PTPRK: variants seen among roughly 807,000 people sequenced by gnomAD.
PTPRK encodes receptor-type tyrosine-protein phosphatase kappa.
PTPRK carries 75 observed loss-of-function variants against 178.0 expected under a neutral mutation model. The ratio of observed to expected loss-of-function variants is 0.42; its 90% confidence interval spans 0.35 to 0.51. The LOEUF is 0.51. Ranked by LOEUF, PTPRK falls within the 20% of genes least tolerant of loss-of-function variation. PTPRK has a pLI of 0.02. For missense variants in PTPRK, 1,441 were observed against 1,797.8 expected, an observed-to-expected ratio of 0.80 and a Z score of 3.59; for synonymous variants, 637 against 620.6, an observed-to-expected ratio of 1.03 and a Z score of -0.39.
At chr6:128,041,542 G>T (rs1311333819) in intron 13 of PTPRK, among the ~76,000 whole-genome samples, 1 of 151,912 alleles carries the variant, frequency 6.6e-6, no homozygotes, top group African/African-American at 2.4e-5. Flanking sequence ...GAAAAAAGAG[G>T]CAGAAATCAT....
intron 1 of PTPRK, among the ~76,000 whole-genome samples, chr6:128,421,099 G>C (rs1409507882): frequency 1.3e-5 from 2 of 152,078 alleles, no homozygotes; most frequent in African/African-American, 4.8e-5. Context: ...AATCAACATT[G>C]ATCAAATCTG....
intron 13 of PTPRK, among the ~76,000 whole-genome samples, chr6:128,033,750 G>A (rs1775741243): frequency 6.6e-6 from 1 of 152,036 alleles, no homozygotes; most frequent in Admixed American, 6.6e-5. Context: ...GATGGCTTGT[G>A]TCTGTGGTTC....
At chr6:128,289,441 T>C (rs1823021430) in intron 3 of PTPRK, among the ~76,000 whole-genome samples, 2 of 152,168 alleles carry the variant, frequency 1.3e-5, no homozygotes, top group Non-Finnish European at 1.5e-5. Flanking sequence ...AGTATTGAAA[T>C]AGAATGTCTG....
At position 128,289,891 on chromosome 6, in the gene PTPRK, T is replaced by C. The variant is rs376833099; in HGVS notation, c.495+32148A>G. ...AACACTTTGTTTTTCATGCCTTATA[T>C]AATAATGAAGTATCTTTGCACTGCA... On this transcript the variant is annotated intron_variant, in intron 3 of 29. Transcript: ENST00000368226. Among the ~76,000 whole-genome samples the C allele has an allele frequency of 4.6e-4, 70 of 152,250 alleles. 2 individuals carry two copies. The South Asian group carries it at 0.013, about 29-fold the overall frequency.
chr6:128,287,831 C>G (rs1386058680), intron 3 of PTPRK, among the ~76,000 whole-genome samples: 2 of 152,112 alleles, frequency 1.3e-5, no homozygotes, highest in African/African-American at 4.8e-5. Context: ...TCTTTAACAT[C>G]CCCTTTCTAT....
intron 1 of PTPRK, among the ~76,000 whole-genome samples, chr6:128,437,932 C>T (rs1251407043): frequency 1.3e-5 from 2 of 152,234 alleles, no homozygotes; most frequent in African/African-American, 4.8e-5. Context: ...AGATCAGTTT[C>T]AAGATCCCAG....
chr6:127,998,876 G>T lies in PTPRK; in HGVS notation c.2523C>A (p.Ser841=). 6.3e-7 allele frequency: 1 copy of T among 1,580,054 alleles called. No individual in the cohort carries two copies. The highest frequency in any genetic ancestry group is 8.6e-7 in the Non-Finnish European group (1 of 1,160,392). ...AGCGAGGTACGTCTAGAAGGCGACT[G>T]GACTCTGCTGTAGCACTGTGGTTCT... is the stretch of plus-strand genomic sequence containing the variant. The part of the protein sequence containing the change: ...RYENHSATAE[S]SRLLDVPRYL... Residue 841 remains serine, a synonymous_variant, in exon 16 of 30, where the codon TCC becomes TCA. Coordinates refer to ENST00000368226, the MANE Select transcript of PTPRK (RefSeq NM_002844.4).
chr6:128,478,278 G>A (rs1279731201), intron 1 of PTPRK, among the ~76,000 whole-genome samples: 1 of 152,068 alleles, frequency 6.6e-6, no homozygotes, highest in Non-Finnish European at 1.5e-5. Flanking sequence ...GCAAATACAT[G>A]AGACCTTCCT....
chr6:128,047,071 A>C (rs1445728041), intron 13 of PTPRK, among the ~76,000 whole-genome samples: 3 of 152,216 alleles, frequency 2.0e-5, no homozygotes, highest in Non-Finnish European at 4.4e-5. Context: ...TCATCAAGTA[A>C]TTAGTGAATA....
At chr6:128,172,792 T>A (rs1360325341) in intron 7 of PTPRK, among the ~76,000 whole-genome samples, 1 of 151,870 alleles carries the variant, frequency 6.6e-6, no homozygotes, top group Non-Finnish European at 1.5e-5. Context: ...TACGTGTGTA[T>A]ATGACATATA....
intron 7 of PTPRK, among the ~76,000 whole-genome samples, chr6:128,128,277 G>T (rs1163160303): frequency 1.3e-5 from 2 of 152,268 alleles, no homozygotes; most frequent in East Asian, 3.9e-4. Context: ...AGTTTGCATA[G>T]CAAGTCAGAC....
At chr6:128,026,488 A>G (rs1774327710) in intron 13 of PTPRK, among the ~76,000 whole-genome samples, 1 of 152,068 alleles carries the variant, frequency 6.6e-6, no homozygotes, top group African/African-American at 2.4e-5. Context: ...TTTTTTTGAG[A>G]CCCACTTTTC....
At chr6:128,430,975 G>A (rs1024292988) in intron 1 of PTPRK, among the ~76,000 whole-genome samples, 4 of 145,966 alleles carry the variant, frequency 2.7e-5, no homozygotes, top group African/African-American at 7.6e-5. Flanking sequence ...GTCTTGCTGC[G>A]TCACCCAGGC....
chr6:128,212,572 C>T (rs1355450425), intron 6 of PTPRK, among the ~76,000 whole-genome samples: 1 of 151,938 alleles, frequency 6.6e-6, no homozygotes, highest in Non-Finnish European at 1.5e-5. Flanking sequence ...CGTGTACAGG[C>T]CTACTGTCAA....
intron 1 of PTPRK, among the ~76,000 whole-genome samples, chr6:128,406,760 A>G (rs927041832): frequency 2.0e-5 from 3 of 152,204 alleles, no homozygotes; most frequent in African/African-American, 2.4e-5. Context: ...AACCAAATCA[A>G]TGCTGAAACC....
At chr6:128,064,817 A>C (rs1168823621) in intron 12 of PTPRK, 23 bp from the exon 13 acceptor site, 7 of 1,574,780 alleles carry the variant, frequency 4.4e-6, no homozygotes, top group African/African-American at 2.8e-5. Context: ...AAATGAAAAA[A>C]AAAAGAGTCA....
At chr6:128,444,758 A>G (rs1846720168) in intron 1 of PTPRK, among the ~76,000 whole-genome samples, 1 of 152,204 alleles carries the variant, frequency 6.6e-6, no homozygotes, top group Admixed American at 6.5e-5. Flanking sequence ...AAAGGGAAGT[A>G]GCTTCCTAAG....
At chr6:128,054,786 A>G (rs1779622770) in intron 13 of PTPRK, among the ~76,000 whole-genome samples, 2 of 152,242 alleles carry the variant, frequency 1.3e-5, no homozygotes, top group South Asian at 4.1e-4. Context: ...CCCTACCCTC[A>G]GAGAGCCTTG....
At position 128,184,857 on chromosome 6, in the gene PTPRK, A is replaced by G. The variant is rs990034212; in HGVS notation, c.869-132T>C. 2.0e-5 allele frequency: 19 copies of G among 940,560 alleles called. 1 individual carries two copies. In the South Asian group the frequency reaches 3.6e-4, roughly 18 times the overall value. 58.3% of individuals were successfully genotyped at this position (940,560 alleles called of 1,614,324 possible). ...CATAATAAATACTTGAAAGAAAACTAGAAGACGCATGATCTGACAACTGTA... is the reference window on the plus strand; with the variant it reads ...CATAATAAATACTTGAAAGAAAACTGGAAGACGCATGATCTGACAACTGTA... On this transcript the variant is annotated intron_variant, in intron 6 of 29. Transcript: ENST00000368226.
Sources: gnomAD v4.1 joint callset for allele counts (sites outside exome capture counted in the v4.1 genomes callset) on GRCh38, gnomAD v4.1.1 for gene constraint, MANE v1.5 for transcripts, NCBI Gene and HGNC (gene_info 2026-07-23, HGNC 2026-07-21) for gene names.